CHTOP: variants seen among roughly 807,000 people sequenced by gnomAD.
The protein encoded by CHTOP is chromatin target of PRMT1.
In CHTOP, 18 loss-of-function variants were observed where a neutral mutation model predicts 33.6. The observed-to-expected ratio is 0.54, with a 90% CI of 0.37 to 0.80. The LOEUF (loss-of-function observed/expected upper bound fraction) is 0.80, where lower values mean the gene tolerates loss of function less well. Among genes scored for constraint, CHTOP ranks in the 30% least tolerant of loss-of-function variants. The pLI is 0.00. For synonymous variants in CHTOP, 117 were observed against 127.7 expected, an observed-to-expected ratio of 0.92 and a Z score of 0.56; for missense variants, 263 against 336.8, an observed-to-expected ratio of 0.78 and a Z score of 1.71.
At chr1:153,640,664 G>A (rs111613249) in intron 3 of CHTOP, among the ~76,000 whole-genome samples, 2 of 152,092 alleles carry the variant, frequency 1.3e-5, no homozygotes, top group African/African-American at 2.4e-5. Flanking sequence ...CCAGCTACTC[G>A]GGAGGCTGAG....
chr1:153,643,062 T>A, intron 4 of CHTOP, 165 bp from the exon 5 acceptor site: 1 of 755,010 alleles, frequency 1.3e-6, no homozygotes, highest in Non-Finnish European at 2.3e-6. Flanking sequence ...GTTGAATTGA[T>A]TGAATAAAGA....
intron 1 of CHTOP, among the ~76,000 whole-genome samples, chr1:153,635,461 CTA>C (rs1668340202): frequency 6.6e-6 from 1 of 152,006 alleles, no homozygotes; most frequent in Non-Finnish European, 1.5e-5. Flanking sequence ...CTGTCCGGCC[CTA>C]TGTTTTAAAA....
chr1:153,637,343 A>C (rs2101683770), intron 2 of CHTOP: 1 of 152,356 alleles, frequency 6.6e-6, no homozygotes, highest in East Asian at 1.9e-4. Context: ...TATCTCTGAC[A>C]ACTTTGTTCA....
chr1:153,645,108 G>A lies in CHTOP; in HGVS notation c.586G>A (p.Gly196Ser). 2 of 1,613,808 alleles carry A rather than the reference G, an allele frequency of 1.2e-6. No individual in the cohort carries two copies. The highest frequency in any genetic ancestry group is 1.7e-6 in the Non-Finnish European group (2 of 1,180,000). The change falls in exon 6 of 6, where the codon GGC becomes AGC. Residue 196 changes from glycine (G) to serine (S), a missense_variant. Gly to Ser is a moderately conservative substitution (Grantham distance 56). Transcript: ENST00000368694. ...GRGRGGFGGR[G>S]RGRGRGRGAL... Reference sequence around the variant, plus strand: ...GGGAAGAGGGGGCTTTGGAGGCCGAGGCCGAGGCCGTGGACGAGGGAGAGG... The same window carrying A: ...GGGAAGAGGGGGCTTTGGAGGCCGAAGCCGAGGCCGTGGACGAGGGAGAGG...
chr1:153,635,428 A>G (rs562581946), intron 1 of CHTOP, among the ~76,000 whole-genome samples: 2 of 152,058 alleles, frequency 1.3e-5, no homozygotes, highest in East Asian at 3.9e-4. Flanking sequence ...CTGAGATTAC[A>G]GGCGTGAAGC....
chr1:153,638,469 G>C, intron 3 of CHTOP, 21 bp downstream of exon 3: 1 of 1,614,008 alleles, frequency 6.2e-7, no homozygotes, highest in South Asian at 1.1e-5. Context: ...GGGTCTTAAT[G>C]CTCCAGAAGC....
At chr1:153,642,639 C>T (rs1229574413) in intron 4 of CHTOP, 4 of 398,652 alleles carry the variant, frequency 1.0e-5, no homozygotes, top group South Asian at 6.9e-5. Flanking sequence ...CTATGACCTG[C>T]GTAACAACAG....
chr1:153,642,222 C>T, intron 3 of CHTOP, 24 bp from the exon 4 acceptor site: 2 of 1,583,542 alleles, frequency 1.3e-6, no homozygotes, highest in Admixed American at 1.8e-5. Context: ...GATCTCAATC[C>T]CCTAACACCT....
rs1668775648 is a variant in CHTOP, at chr1:153,645,340, G to C, written c.*71G>C. On this transcript the variant is annotated 3_prime_UTR_variant, in exon 6 of 6. Coordinates refer to ENST00000368694, the MANE Select transcript of CHTOP (RefSeq NM_015607.4). The stretch of plus-strand genomic sequence containing the variant: ...TGTAAATAACCTTGAGATAACAGAT[G>C]AGAAGAAATCTGATTGATGCTGGAT... The C allele has an allele frequency of 1.4e-6, 2 of 1,466,472 alleles. No individual in the cohort carries two copies. Among genetic ancestry groups the C allele is most frequent in the Admixed American group, 3.7e-5 (2 of 53,946 alleles). 90.8% of individuals were successfully genotyped at this position (1,466,472 alleles called of 1,614,324 possible).
chr1:153,636,702 T>C (rs1229392833), intron 2 of CHTOP, 49 bp downstream of exon 2: 1 of 1,555,166 alleles, frequency 6.4e-7, no homozygotes, highest in South Asian at 1.1e-5. Flanking sequence ...AAACATTACT[T>C]AACTTGGCCC....
rs778414968 is a variant in CHTOP, at chr1:153,642,457, C to T, written c.403+28C>T. ...CAGTGCTGTGTACCCTGATAATTGT[C>T]GGGCCCTACTCCCTTCCCTTTTCTC... On this transcript the variant is annotated intron_variant, in intron 4 of 5. Transcript: ENST00000368694. The T allele has an allele frequency of 5.2e-5, 81 of 1,559,610 alleles. No individual in the cohort carries two copies. In the Admixed American group the frequency reaches 9.9e-4, roughly 19 times the overall value.
chr1:153,640,141 G>A (rs994295843), intron 3 of CHTOP, among the ~76,000 whole-genome samples: 2 of 152,152 alleles, frequency 1.3e-5, no homozygotes, highest in African/African-American at 4.8e-5. Flanking sequence ...AGTCACATGT[G>A]GCTATTGAAA....
Position 153,646,228 on chromosome 1 carries a change from A to G in CHTOP, c.*959A>G, listed in dbSNP as rs977193451. On this transcript the variant is annotated 3_prime_UTR_variant, in exon 6 of 6. Coordinates refer to ENST00000368694, the MANE Select transcript of CHTOP (RefSeq NM_015607.4). Reference sequence around the variant, plus strand: ...TGTTTCCCTTGAAGGTTTAAGTTCAACCATATTCTGTCAACTGTTCAGTTT... The same window carrying G: ...TGTTTCCCTTGAAGGTTTAAGTTCAGCCATATTCTGTCAACTGTTCAGTTT... The G allele has an allele frequency of 6.6e-6, 1 of 152,172 alleles. No homozygotes were observed. Among genetic ancestry groups the G allele is most frequent in the Non-Finnish European group, 1.5e-5 (1 of 68,026 alleles). The allele number at this position is 152,172 out of a possible 1,614,324, so 9.4% of individuals were successfully genotyped here. A position where few individuals can be genotyped will look rare whatever the true frequency, so the allele number is the denominator to read the frequency against.
chr1:153,643,423 C>T, intron 5 of CHTOP, 59 bp downstream of exon 5: 2 of 1,460,706 alleles, frequency 1.4e-6, no homozygotes, highest in South Asian at 3.0e-5. Context: ...CTTAAAAACT[C>T]AGAGCCACCT....
chr1:153,643,565 C>T, intron 5 of CHTOP: 1 of 497,880 alleles, frequency 2.0e-6, no homozygotes, highest in South Asian at 4.1e-5. Context: ...CAATCAAGTG[C>T]ATATTATAGA....
intron 1 of CHTOP, among the ~76,000 whole-genome samples, chr1:153,635,901 G>A (rs903501424): frequency 6.6e-6 from 1 of 151,608 alleles, no homozygotes; most frequent in South Asian, 2.1e-4. Flanking sequence ...CGGGTATTTT[G>A]TGGGCCTTGA....
At chr1:153,640,364 T>A (rs1378242819) in intron 3 of CHTOP, among the ~76,000 whole-genome samples, 1 of 150,992 alleles carries the variant, frequency 6.6e-6, no homozygotes, top group Non-Finnish European at 1.5e-5. Flanking sequence ...TCCCAGCTAC[T>A]CAAGAGGCTA....
At position 153,645,308 on chromosome 1, in the gene CHTOP, A is replaced by G. The variant is rs577747921; in HGVS notation, c.*39A>G. Reference sequence around the variant, plus strand: ...TCCCATGAGAGACTCTTGTTAGTCAACACATCTGTAAATAACCTTGAGATA... The same window carrying G: ...TCCCATGAGAGACTCTTGTTAGTCAGCACATCTGTAAATAACCTTGAGATA... On this transcript the variant is annotated 3_prime_UTR_variant, in exon 6 of 6. Coordinates refer to ENST00000368694, the MANE Select transcript of CHTOP (RefSeq NM_015607.4). 1.8e-5 allele frequency: 29 copies of G among 1,587,946 alleles called. No homozygotes were observed. In the East Asian group the frequency reaches 4.2e-4, roughly 23 times the overall value.
At chr1:153,636,698 T>C in intron 2 of CHTOP, 45 bp downstream of exon 2, 1 of 1,567,238 alleles carries the variant, frequency 6.4e-7, no homozygotes, top group Non-Finnish European at 8.8e-7. Context: ...AAGAAAACAT[T>C]ACTTAACTTG....
Sources: gnomAD v4.1 joint callset for allele counts (sites outside exome capture counted in the v4.1 genomes callset) on GRCh38, gnomAD v4.1.1 for gene constraint, MANE v1.5 for transcripts, NCBI Gene and HGNC (gene_info 2026-07-23, HGNC 2026-07-21) for gene names.